Variants in ACACA observed in about 807,000 individuals in gnomAD.
The protein encoded by ACACA is acetyl-CoA carboxylase 1.
A neutral mutation model predicts 296.1 loss-of-function variants in ACACA; 103 were observed. The observed-to-expected ratio is 0.35, with a 90% confidence interval of 0.30 to 0.41. The LOEUF (loss-of-function observed/expected upper bound fraction) is 0.41. Ranked by LOEUF, ACACA falls within the 10% of genes least tolerant of loss-of-function variation. ACACA has a pLI of 1.00. For missense variants in ACACA, 1,554 were observed against 2,989.7 expected (o/e 0.52, Z 11.20); for synonymous variants, 953 against 1,038.6 (o/e 0.92, Z 1.58).
At chr17:37,211,969 T>C (rs972554725) in intron 29 of ACACA, among the ~76,000 whole-genome samples, 1 of 151,886 alleles carries the variant, frequency 6.6e-6, no homozygotes, top group African/African-American at 2.4e-5. Flanking sequence ...ACAGAAAAAA[T>C]AGGCACAGGT....
intron 2 of ACACA, among the ~76,000 whole-genome samples, chr17:37,335,208 G>T (rs565311974): frequency 6.6e-6 from 1 of 151,956 alleles, no homozygotes. Flanking sequence ...ATGAGGTCTC[G>T]GCCCAAAACC....
chr17:37,324,459 C>A (rs891858004), intron 3 of ACACA, among the ~76,000 whole-genome samples: 1 of 151,256 alleles, frequency 6.6e-6, no homozygotes, highest in East Asian at 2.0e-4. Flanking sequence ...CACGTGAGGT[C>A]GGGAGTTTGA....
intron 1 of ACACA, among the ~76,000 whole-genome samples, chr17:37,400,914 G>A (rs554913189): frequency 1.1e-4 from 16 of 152,298 alleles, no homozygotes; most frequent in African/African-American, 3.4e-4. Context: ...ATACCCAGAA[G>A]TGGATTATTG....
At chr17:37,144,864 A>G (rs943141419) in intron 45 of ACACA, among the ~76,000 whole-genome samples, 1 of 152,110 alleles carries the variant, frequency 6.6e-6, no homozygotes, top group African/African-American at 2.4e-5. Flanking sequence ...GAAAAGTCAC[A>G]TATCATCTCC....
Position 37,186,861 on chromosome 17 carries a change from T to C in ACACA, c.4776+1416A>G, listed in dbSNP as rs189486936. 1.9e-4 allele frequency among the ~76,000 whole-genome samples: 28 copies of C among 148,440 alleles called. 1 individual carries two copies. The South Asian group carries it at 3.2e-3, about 17-fold the overall frequency. ...ACTCCTGTGTCACCATTAGCTAGCA[T>C]GAGGGAAATCTCAGAGTTTCCTAAT... On this transcript the variant is annotated intron_variant, in intron 39 of 55. Transcript: ENST00000616317.
Position 37,207,582 on chromosome 17 carries a change from T to C in ACACA, c.3851+75A>G, listed in dbSNP as rs567658773. On this transcript the variant is annotated intron_variant, in intron 31 of 55. Transcript: ENST00000616317. ...GCTATTCGGGAGACCTTTATTCATT[T>C]TGCAGAAAGATGAGACCCCAAAACA... 36 of 1,568,602 alleles carry C rather than the reference T, an allele frequency of 2.3e-5. No individual in the cohort carries two copies. The South Asian group carries it at 3.5e-4, about 15-fold the overall frequency.
At chr17:37,183,654 C>T (rs1290420565) in intron 39 of ACACA, among the ~76,000 whole-genome samples, 1 of 151,898 alleles carries the variant, frequency 6.6e-6, no homozygotes, top group Non-Finnish European at 1.5e-5. Context: ...CGGTGAAACC[C>T]CGTCTCTACT....
At chr17:37,310,047 A>T (rs993436864) in intron 3 of ACACA, among the ~76,000 whole-genome samples, 6 of 152,172 alleles carry the variant, frequency 3.9e-5, no homozygotes, top group African/African-American at 1.4e-4. Context: ...AAAACAAAAA[A>T]ACAGAAAAAC....
In ACACA at chr17:37,378,029, A is replaced by G. The variant is rs1234390276; in HGVS notation, c.38+28233T>C. On this transcript the variant is annotated intron_variant, in intron 1 of 55. Transcript: ENST00000616317. ...TCCAAAAAATTTTTACCTTTAAAAG[A>G]TATCTCATCTTCCCACTTCCTAGCC... 3 of 1,410,582 alleles carry G rather than the reference A, an allele frequency of 2.1e-6. No individual in the cohort carries two copies. In the African/African-American group the frequency reaches 4.2e-5, roughly 20 times the overall value. The allele number at this position is 1,410,582 out of a possible 1,614,324, so 87.4% of individuals were successfully genotyped here.
intron 16 of ACACA, among the ~76,000 whole-genome samples, chr17:37,251,517 GC>G (rs1425523089): frequency 6.6e-6 from 1 of 152,190 alleles, no homozygotes; most frequent in Admixed American, 6.5e-5. Context: ...CAAAGGCAGA[GC>G]TTAGTCTCCT....
In ACACA at chr17:37,097,234, C is replaced by T; in HGVS notation, c.6721-68G>A. 1.3e-6 allele frequency: 2 copies of T among 1,559,754 alleles called. No individual in the cohort carries two copies. The highest frequency in any genetic ancestry group is 1.7e-6 in the Non-Finnish European group (2 of 1,147,624). On this transcript the variant is annotated intron_variant, in intron 53 of 55. Transcript: ENST00000616317. This position sits in a 1 kb window ranked among gnomAD's most constrained non-coding sequence, Gnocchi z 4.8. ...GCTTAATGCTCAGTCTGGAGGGAAA[C>T]CCACAGGCATAAAAACTGATTCTCC...
intron 47 of ACACA, among the ~76,000 whole-genome samples, chr17:37,126,230 A>G (rs9912138): frequency 0.3 from 45,664 of 152,064 alleles, 8,970 homozygotes; most frequent in African/African-American, 0.54. Flanking sequence ...ACTGAAGGCT[A>G]AAAACAACCA....
intron 2 of ACACA, among the ~76,000 whole-genome samples, chr17:37,332,919 A>G (rs1241350000): frequency 6.6e-6 from 1 of 151,966 alleles, no homozygotes; most frequent in East Asian, 1.9e-4. Context: ...AGAAAAAAAA[A>G]AAAAAAAAAG....
intron 9 of ACACA, among the ~76,000 whole-genome samples, chr17:37,271,206 A>G (rs1355147732): frequency 6.6e-6 from 1 of 152,186 alleles, no homozygotes; most frequent in African/African-American, 2.4e-5. Flanking sequence ...TCCAGAGTAC[A>G]TACCAGCAAT....
intron 3 of ACACA, among the ~76,000 whole-genome samples, chr17:37,327,950 A>T (rs1377449301): frequency 6.6e-6 from 1 of 152,184 alleles, no homozygotes; most frequent in Admixed American, 6.5e-5. Context: ...GAATGCCACC[A>T]CTAGTATTAA....
chr17:37,310,747 T>C (rs2084090554), intron 3 of ACACA, among the ~76,000 whole-genome samples: 1 of 144,282 alleles, frequency 6.9e-6, no homozygotes, highest in African/African-American at 2.6e-5. Context: ...AGAGCCAAGA[T>C]TGCAACATTG....
At chr17:37,185,141 A>ACT (rs2077476132) in intron 39 of ACACA, among the ~76,000 whole-genome samples, 1 of 152,226 alleles carries the variant, frequency 6.6e-6, no homozygotes, top group East Asian at 1.9e-4. Context: ...CTGTGATAGT[A>ACT]CTTACACGGT....
At chr17:37,175,697 T>C (rs968663617) in intron 41 of ACACA, among the ~76,000 whole-genome samples, 2 of 152,234 alleles carry the variant, frequency 1.3e-5, no homozygotes, top group Non-Finnish European at 2.9e-5. Context: ...TCTTTGGAGC[T>C]ATCTGCAAGT....
intron 3 of ACACA, among the ~76,000 whole-genome samples, chr17:37,298,939 C>T (rs537450163): frequency 7.0e-4 from 106 of 152,296 alleles, no homozygotes; most frequent in Non-Finnish European, 1.3e-3. Context: ...AGAGACTTCA[C>T]TGGAAATACT....
Sources: gnomAD v4.1 joint callset for allele counts (sites outside exome capture counted in the v4.1 genomes callset) on GRCh38, gnomAD v4.1.1 for gene constraint, Gnocchi (gnomAD v3.1) non-coding constraint, MANE v1.5 for transcripts, NCBI Gene and HGNC (gene_info 2026-07-23, HGNC 2026-07-21) for gene names.